The following AGBL1 variants were observed in gnomAD, a reference collection of about 807,000 sequenced individuals.
AGBL1 encodes AGBL carboxypeptidase 1.
In AGBL1, 130 loss-of-function variants were observed where a neutral mutation model predicts 118.9. That is an observed-to-expected ratio of 1.09 (90% confidence interval 0.95 to 1.26). AGBL1 has a LOEUF of 1.26. Among genes scored for constraint, AGBL1 ranks in the 50% most tolerant of loss-of-function variants. AGBL1 has a pLI of 0.00. For missense variants in AGBL1, 1,584 were observed against 1,298.1 expected, an observed-to-expected ratio of 1.22 and a Z score of -3.38; for synonymous variants, 555 against 478.9, an observed-to-expected ratio of 1.16 and a Z score of -2.08.
At chr15:86,374,678 C>T (rs912058755) in intron 17 of AGBL1, among the ~76,000 whole-genome samples, 12 of 152,202 alleles carry the variant, frequency 7.9e-5, no homozygotes, top group African/African-American at 2.9e-4. Flanking sequence ...CCTCAGAGTC[C>T]TTGACTCTGC....
intron 22 of AGBL1, among the ~76,000 whole-genome samples, chr15:86,731,868 G>T (rs762108864): frequency 6.6e-6 from 1 of 152,186 alleles, no homozygotes; most frequent in Non-Finnish European, 1.5e-5. Context: ...GTGCCCCAGG[G>T]AACTGGCTTG....
At chr15:86,387,737 C>T (rs561622327) in intron 17 of AGBL1, among the ~76,000 whole-genome samples, 3 of 152,208 alleles carry the variant, frequency 2.0e-5, no homozygotes, top group African/African-American at 7.2e-5. Flanking sequence ...GGCTTCCATG[C>T]CTTCCTCCCT....
chr15:86,992,609 C>T (rs1331751766), intron 24 of AGBL1, among the ~76,000 whole-genome samples: 2 of 152,180 alleles, frequency 1.3e-5, no homozygotes, highest in East Asian at 3.9e-4. Flanking sequence ...TCACCTCCCT[C>T]ATCAGGGTGC....
intron 17 of AGBL1, among the ~76,000 whole-genome samples, chr15:86,346,491 C>T (rs773333973): frequency 1.3e-5 from 2 of 151,992 alleles, no homozygotes; most frequent in South Asian, 2.1e-4. Context: ...GGACTACAGG[C>T]GCCCGCCACC....
chr15:86,965,647 T>G (rs1479062391), intron 23 of AGBL1, among the ~76,000 whole-genome samples: 1 of 152,122 alleles, frequency 6.6e-6, no homozygotes, highest in Non-Finnish European at 1.5e-5. Context: ...ATGTGGCACA[T>G]ATACACCGTG....
chr15:86,728,999 T>C (rs1488732277), intron 22 of AGBL1, among the ~76,000 whole-genome samples: 1 of 152,190 alleles, frequency 6.6e-6, no homozygotes, highest in African/African-American at 2.4e-5. Flanking sequence ...CAATTGATAT[T>C]CATTGGATAA....
chr15:86,279,226 A>G (rs2079307596), intron 15 of AGBL1, among the ~76,000 whole-genome samples: 1 of 152,198 alleles, frequency 6.6e-6, no homozygotes, highest in Non-Finnish European at 1.5e-5. Flanking sequence ...GTTGAATCCT[A>G]TGTGGTCTGG....
chr15:86,935,376 A>T (rs1567247763), intron 23 of AGBL1, among the ~76,000 whole-genome samples: 1 of 152,324 alleles, frequency 6.6e-6, no homozygotes, highest in African/African-American at 2.4e-5. Context: ...GCTCTAAGGC[A>T]TTGGATTTGC....
intron 17 of AGBL1, among the ~76,000 whole-genome samples, chr15:86,370,313 T>TA (rs2080953508): frequency 1.3e-5 from 2 of 151,034 alleles, no homozygotes; most frequent in East Asian, 3.9e-4. Context: ...TTTTTTTTTT[T>TA]TTTTTTCTTT....
At chr15:86,654,348 G>C (rs1476948307) in intron 21 of AGBL1, among the ~76,000 whole-genome samples, 1 of 152,052 alleles carries the variant, frequency 6.6e-6, no homozygotes, top group Non-Finnish European at 1.5e-5. Context: ...TTTGAGTGTA[G>C]AAGCTTCCAA....
intron 1 of AGBL1, among the ~76,000 whole-genome samples, chr15:86,136,882 A>G (rs933257849): frequency 2.6e-5 from 4 of 152,200 alleles, no homozygotes; most frequent in African/African-American, 9.6e-5. Flanking sequence ...ACAGACTATG[A>G]AAGACACTGT....
rs140787776 is a variant in AGBL1, at chr15:86,706,898, T to A, written c.3158+32462T>A. 3.9e-5 allele frequency among the ~76,000 whole-genome samples: 6 copies of A among 152,204 alleles called. No homozygotes were observed. In the East Asian group the frequency reaches 1.2e-3, roughly 29 times the overall value. The stretch of plus-strand genomic sequence containing the variant: ...TTCAGTTTTCTCTACCAGTTACTCA[T>A]CTATGACACAACACATTTTCCTATG... On this transcript the variant is annotated intron_variant, in intron 22 of 22. Coordinates refer to ENST00000614907, the MANE Select transcript of AGBL1 (RefSeq NM_001386094.1).
intron 22 of AGBL1, among the ~76,000 whole-genome samples, chr15:86,696,689 G>A (rs886167827): frequency 6.6e-6 from 1 of 151,500 alleles, no homozygotes; most frequent in Non-Finnish European, 1.5e-5. Flanking sequence ...TGTTTTATAG[G>A]ACCCATGAGA....
At chr15:86,872,754 T>TATAA (rs1333444518) in intron 22 of AGBL1, among the ~76,000 whole-genome samples, 9 of 152,184 alleles carry the variant, frequency 5.9e-5, no homozygotes, top group East Asian at 1.9e-4. Context: ...AGACTCCGTC[T>TATAA]ATAAATAAAT....
intron 17 of AGBL1, among the ~76,000 whole-genome samples, chr15:86,333,777 A>C (rs1454462650): frequency 1.3e-5 from 2 of 152,194 alleles, no homozygotes. Context: ...TAGACACAAA[A>C]ATTCTCAACA....
Position 86,785,379 on chromosome 15 carries a change from GT to G in AGBL1, c.3158+110948del, listed in dbSNP as rs369996141. Among the ~76,000 whole-genome samples the G allele has an allele frequency of 4.0e-3, 496 of 124,016 alleles. 8 individuals are homozygous for G. The highest frequency in any genetic ancestry group is 0.014 in the African/African-American group (478 of 33,644). The allele number at this position is 124,016 out of a possible 152,430, so 81.4% of individuals were successfully genotyped here. ...CGGGTTCTTTTTTTTTTTTTTTTTT[GT>G]TTTTGTTTTTTTGAGATGGAGTGTT... On this transcript the variant is annotated intron_variant, in intron 22 of 22. Transcript: ENST00000614907.
chr15:86,565,854 C>G (rs12438291), intron 21 of AGBL1, among the ~76,000 whole-genome samples: 89,110 of 152,092 alleles, frequency 0.59, 26,953 homozygotes, highest in East Asian at 0.91. Flanking sequence ...CCCAGCCTCG[C>G]TGCTGCCTTG....
intron 18 of AGBL1, among the ~76,000 whole-genome samples, chr15:86,517,351 G>A (rs891676701): frequency 1.3e-5 from 2 of 152,184 alleles, no homozygotes; most frequent in East Asian, 3.9e-4. Flanking sequence ...TCAGGGTTGG[G>A]ACTAGAGTTT....
intron 18 of AGBL1, among the ~76,000 whole-genome samples, chr15:86,476,416 G>A (rs2082559910): frequency 6.6e-6 from 1 of 152,088 alleles, no homozygotes; most frequent in Admixed American, 6.6e-5. Context: ...ACAAAAAAAG[G>A]CAGGGGTTGC....
Sources: allele counts gnomAD v4.1 joint callset (sites outside exome capture counted in the v4.1 genomes callset), GRCh38; gene constraint gnomAD v4.1.1; transcripts MANE v1.5; gene names NCBI Gene and HGNC (gene_info 2026-07-23, HGNC 2026-07-21).